PUM2: variants seen among roughly 807,000 people sequenced by gnomAD.
The protein encoded by PUM2 is pumilio homolog 2.
In PUM2, 57 loss-of-function variants were observed where a neutral mutation model predicts 124.5. That is an observed-to-expected ratio of 0.46 (90% confidence interval 0.37 to 0.57). The LOEUF (loss-of-function observed/expected upper bound fraction) is 0.57, where lower values mean the gene tolerates loss of function less well. PUM2 is among the 20% of genes least tolerant of loss of function. PUM2 has a pLI of 0.00. For synonymous variants in PUM2, 460 were observed against 446.1 expected, an observed-to-expected ratio of 1.03 and a Z score of -0.39; for missense variants, 1,065 against 1,290.6, an observed-to-expected ratio of 0.83 and a Z score of 2.68.
At chr2:20,304,721 C>A (rs1170043527) in intron 7 of PUM2, among the ~76,000 whole-genome samples, 2 of 152,130 alleles carry the variant, frequency 1.3e-5, no homozygotes, top group East Asian at 3.9e-4. Flanking sequence ...TTGAGATCAG[C>A]TATATTCAAA....
chr2:20,264,578 C>A (rs1226323618), intron 13 of PUM2, among the ~76,000 whole-genome samples: 2 of 150,996 alleles, frequency 1.3e-5, no homozygotes, highest in Non-Finnish European at 3.0e-5. Context: ...TTTAAAATTA[C>A]AATTAACAGT....
chr2:20,276,088 T>C (rs1670185200), intron 13 of PUM2, among the ~76,000 whole-genome samples: 1 of 151,982 alleles, frequency 6.6e-6, no homozygotes, highest in South Asian at 2.1e-4. Context: ...TTTAATATAT[T>C]AGAATAAGCA....
chr2:20,315,836 CAAAAAAAA>C (rs60828412), intron 3 of PUM2, among the ~76,000 whole-genome samples: 8 of 72,322 alleles, frequency 1.1e-4, no homozygotes, highest in South Asian at 5.5e-4. Flanking sequence ...AACCTGGTCT[CAAAAAAAA>C]AAAAAAAAAA....
chr2:20,282,821 C>T, intron 12 of PUM2, 126 bp downstream of exon 12: 1 of 1,072,980 alleles, frequency 9.3e-7, no homozygotes, highest in African/African-American at 1.6e-5. Flanking sequence ...ACAAATTAAA[C>T]CAGTAGTCCA....
intron 2 of PUM2, among the ~76,000 whole-genome samples, chr2:20,323,610 C>T (rs1015826142): frequency 2.6e-5 from 4 of 152,102 alleles, no homozygotes; most frequent in Non-Finnish European, 4.4e-5. Flanking sequence ...TTCACTTTAA[C>T]GATTTTGTCC....
At chr2:20,311,328 T>A (rs879540560) in intron 5 of PUM2, among the ~76,000 whole-genome samples, 166 bp downstream of exon 5, 15 of 152,242 alleles carry the variant, frequency 9.9e-5, no homozygotes, top group Non-Finnish European at 2.1e-4. Context: ...AAATGGTTCA[T>A]AATCACAAAT....
chr2:20,262,646 G>C (rs1172678769), intron 14 of PUM2, among the ~76,000 whole-genome samples: 1 of 152,168 alleles, frequency 6.6e-6, no homozygotes, highest in Admixed American at 6.5e-5. Flanking sequence ...GCTATAAAGA[G>C]AGAAAATATC....
chr2:20,248,842 A>T lies in PUM2; in HGVS notation c.*2743T>A, dbSNP rs1662607102. ...TTCATATGAACCAATAAGAGCCAGGACTTAGACAAACTGGTCCAGAAACAA... is the reference window on the plus strand; with the variant it reads ...TTCATATGAACCAATAAGAGCCAGGTCTTAGACAAACTGGTCCAGAAACAA... On this transcript the variant is annotated 3_prime_UTR_variant, in exon 21 of 21. Coordinates refer to ENST00000361078, the MANE Select transcript of PUM2 (RefSeq NM_015317.5). 1 of 152,696 alleles carries T rather than the reference A, an allele frequency of 6.5e-6. No homozygotes were observed. The highest frequency in any genetic ancestry group is 2.4e-5 in the African/African-American group (1 of 41,470). The allele number at this position is 152,696 out of a possible 1,614,324, so 9.5% of individuals were successfully genotyped here.
At position 20,278,627 on chromosome 2, in the gene PUM2, G is replaced by A. The variant is rs752364164; in HGVS notation, c.1913C>T (p.Pro638Leu). The change falls in exon 13 of 21, where the codon CCG becomes CTG. Residue 638 changes from proline (P) to leucine (L), a missense_variant. Around this residue, in one of 3 missense-constraint regions of PUM2, gnomAD observed 968 missense variants for 1,159.8 expected, o/e 0.83. Transcript: ENST00000361078. ...GGATCCATGTGATGAAAGTGATGGC[G>A]GTGGCGTAAGTGAATGTCCTGGAGT... ...SQTPGHSLTP[P>L]PSLSSHGSSS... The A allele has an allele frequency of 1.3e-5, 21 of 1,613,066 alleles. No individual in the cohort carries two copies. The highest frequency in any genetic ancestry group is 2.7e-5 in the African/African-American group (2 of 74,750).
intron 14 of PUM2, among the ~76,000 whole-genome samples, chr2:20,261,077 T>C (rs1190572978): frequency 6.6e-6 from 1 of 152,120 alleles, no homozygotes; most frequent in Non-Finnish European, 1.5e-5. Context: ...GACATAAACC[T>C]ACTGCACTGT....
At chr2:20,257,436 T>C (rs1368055908) in intron 16 of PUM2, among the ~76,000 whole-genome samples, 1 of 152,198 alleles carries the variant, frequency 6.6e-6, no homozygotes, top group African/African-American at 2.4e-5. Context: ...TACCATTACC[T>C]TTTAAGAAAT....
intron 13 of PUM2, among the ~76,000 whole-genome samples, chr2:20,267,426 A>G (rs890334890): frequency 1.3e-5 from 2 of 152,196 alleles, no homozygotes; most frequent in African/African-American, 4.8e-5. Flanking sequence ...AAGCGGTAAC[A>G]TCTGGAAAAC....
chr2:20,332,406 C>CT (rs1385624700), intron 1 of PUM2, among the ~76,000 whole-genome samples: 2 of 143,318 alleles, frequency 1.4e-5, no homozygotes, highest in Non-Finnish European at 1.5e-5. Flanking sequence ...AGTAAAAAGA[C>CT]TTAAAAAAAA....
In PUM2 at chr2:20,308,396, TG is replaced by T; in HGVS notation, c.706del (p.Gln236SerfsTer18). On this transcript the variant is annotated frameshift_variant, in exon 6 of 21. Transcript: ENST00000361078. LOFTEE classifies it high-confidence loss of function. ...TACCTGATTACCAGGATAGTCAAAC[TG>T]TAAGGATTCCAGACCAACTTGTTCC... ...AMEQVGLESL[Q>X]FDYPGNQVPM... The T allele has an allele frequency of 6.2e-7, 1 of 1,614,122 alleles. No individual in the cohort carries two copies. Among genetic ancestry groups the T allele is most frequent in the Non-Finnish European group, 8.5e-7 (1 of 1,179,978 alleles).
At chr2:20,336,472 G>A (rs1388795823) in intron 1 of PUM2, among the ~76,000 whole-genome samples, 1 of 151,698 alleles carries the variant, frequency 6.6e-6, no homozygotes, top group African/African-American at 2.4e-5. Flanking sequence ...ACAGGAATGA[G>A]CCAATGTGCC....
chr2:20,344,147 A>T (rs1269008196), intron 1 of PUM2, among the ~76,000 whole-genome samples: 1 of 152,140 alleles, frequency 6.6e-6, no homozygotes, highest in Non-Finnish European at 1.5e-5. Context: ...GGCTCACTGC[A>T]ATCTCTACCT....
In PUM2 at chr2:20,311,540, C is replaced by A; in HGVS notation, c.472G>T (p.Gly158Cys). 1 of 1,612,750 alleles carries A rather than the reference C, an allele frequency of 6.2e-7. No homozygotes were observed. The highest frequency in any genetic ancestry group is 8.5e-7 in the Non-Finnish European group (1 of 1,179,422). ...TCCATTCCATTTGGCAAACCTCTGC[C>A]ATTTATTTTAGAATCATCATCATCT... ...QGDDDDSKIN[G>C]RGLPNGMDAD... is the part of the protein sequence containing the mutation. The change falls in exon 5 of 21, where the codon GGC (glycine) becomes TGC (cysteine). Residue 158 changes from glycine to cysteine, a missense_variant. Transcript: ENST00000361078.
At chr2:20,286,617 C>T (rs1040895346) in intron 10 of PUM2, among the ~76,000 whole-genome samples, 9 of 152,022 alleles carry the variant, frequency 5.9e-5, no homozygotes, top group African/African-American at 1.9e-4. Context: ...AAGTAATTTC[C>T]GGGATAATTA....
At chr2:20,298,130 A>G (rs1676072886) in intron 7 of PUM2, among the ~76,000 whole-genome samples, 1 of 152,256 alleles carries the variant, frequency 6.6e-6, no homozygotes, top group South Asian at 2.1e-4. Flanking sequence ...TTGCCCTCAC[A>G]AAGCACTCCA....
Sources: gnomAD v4.1 joint callset for allele counts (sites outside exome capture counted in the v4.1 genomes callset) on GRCh38, gnomAD v4.1.1 for gene constraint, gnomAD v4.1.1 regional missense constraint, MANE v1.5 for transcripts, NCBI Gene and HGNC (gene_info 2026-07-23, HGNC 2026-07-21) for gene names.